The following PRPF8 variants were observed in gnomAD, a reference collection of about 807,000 sequenced individuals.
PRPF8 encodes pre-mRNA processing factor 8.
Under a neutral mutation model 285.9 loss-of-function variants are expected in PRPF8, and 64 were observed. The ratio of observed to expected loss-of-function variants is 0.22; its 90% CI spans 0.18 to 0.28. The LOEUF is 0.28. Among genes scored for constraint, PRPF8 ranks in the 10% least tolerant of loss-of-function variants. PRPF8 has a pLI of 1.00. For synonymous variants in PRPF8, 1,325 were observed against 1,118.2 expected (o/e 1.18, Z -3.69); for missense variants, 1,426 against 3,026.7 (o/e 0.47, Z 12.41).
In PRPF8 at chr17:1,661,983, C is replaced by T; in HGVS notation, c.3945G>A (p.Val1315=). ...CACCCAACTCCTTAGGGGTGTAGAA[C>T]ACAACCGGGGGGAACCGACTTGGCA... The part of the protein sequence containing the change: ...SKMPSRFPPV[V]FYTPKELGGL... The change falls in exon 25 of 43, where the codon GTG becomes GTA. Residue 1315 remains valine, a synonymous_variant. Coordinates refer to ENST00000304992, the MANE Select transcript of PRPF8 (RefSeq NM_006445.4). The surrounding 1 kb of genome is among the most constrained non-coding windows in gnomAD (Gnocchi z 7.3). 6.2e-7 allele frequency: 1 copy of T among 1,614,102 alleles called. No homozygotes were observed. The highest frequency in any genetic ancestry group is 8.5e-7 in the Non-Finnish European group (1 of 1,180,036).
chr17:1,662,277 ACT>A, intron 24 of PRPF8, 124 bp from the exon 25 acceptor site: 1 of 1,131,490 alleles, frequency 8.8e-7, no homozygotes, highest in Non-Finnish European at 1.3e-6. Flanking sequence ...ATCATTAGTC[ACT>A]AGGGAAATAG....
chr17:1,665,158 TCAA>T (rs1911892843), intron 24 of PRPF8, among the ~76,000 whole-genome samples: 1 of 44,468 alleles, frequency 2.2e-5, no homozygotes. Flanking sequence ...AGACTCTGCC[TCAA>T]AAAAAAAAAA....
In PRPF8 at chr17:1,659,277, C is replaced by A; in HGVS notation, c.5138+80G>T. On this transcript the variant is annotated intron_variant, in intron 32 of 42. Coordinates refer to ENST00000304992, the MANE Select transcript of PRPF8 (RefSeq NM_006445.4). The surrounding 1 kb of genome is among the most constrained non-coding windows in gnomAD (Gnocchi z 5.1). ...CTGAGCTCAGACAATCTGCCCACCG[C>A]GGCCTCCCAAAGTGCTGGGATTACA... 6.7e-7 allele frequency: 1 copy of A among 1,502,814 alleles called. No individual in the cohort carries two copies. Among genetic ancestry groups the A allele is most frequent in the South Asian group, 1.1e-5 (1 of 88,590 alleles). The allele number at this position is 1,502,814 out of a possible 1,614,324, so 93.1% of individuals were successfully genotyped here.
chr17:1,681,999 C>T lies in PRPF8; in HGVS notation c.474G>A (p.Arg158=). Residue 158 remains arginine (R), a synonymous_variant, in exon 5 of 43, where the codon AGG becomes AGA. Transcript: ENST00000304992. ...WIMMRREKRD[R]RHFKRMRFPP... ...GAAAACGCATCCTCTTGAAATGCCT[C>T]CTATCTCTTTTTTCTCGGCGCATCA... 1 of 1,614,004 alleles carries T rather than the reference C, an allele frequency of 6.2e-7. No individual in the cohort carries two copies. Among genetic ancestry groups the T allele is most frequent in the Non-Finnish European group, 8.5e-7 (1 of 1,179,996 alleles).
rs779639024 is a variant in PRPF8, at chr17:1,677,686, T to C, written c.1863A>G (p.Val621=). 3 of 1,613,864 alleles carry C rather than the reference T, an allele frequency of 1.9e-6. No homozygotes were observed. Among genetic ancestry groups the C allele is most frequent in the Non-Finnish European group, 2.5e-6 (3 of 1,180,004 alleles). Residue 621 remains valine, a synonymous_variant, in exon 14 of 43, where the codon GTA becomes GTG. Coordinates refer to ENST00000304992, the MANE Select transcript of PRPF8 (RefSeq NM_006445.4). ...LIYYRFNTGP[V]GKGPGCGFWA... ...AGAAGCCACAGCCAGGACCCTTCCC[T>C]ACAGGGCCCTACGATCCCAAGCAGA...
rs757747094 is a variant in PRPF8, at chr17:1,651,683, G to C, written c.6475C>G (p.Leu2159Val). The C allele has an allele frequency of 6.2e-7, 1 of 1,614,036 alleles. No individual in the cohort carries two copies. The highest frequency in any genetic ancestry group is 2.2e-5 in the East Asian group (1 of 44,892). ...PQWGTHQTVH[L>V]PGQLPQHEYL... ...TCATGCTGGGGCAGCTGGCCAGGCA[G>C]GTGCACGGTCTGGTGAGTGCCCCAC... The change falls in exon 40 of 43, where the codon CTG (leucine) becomes GTG (valine). Residue 2159 changes from leucine (L) to valine (V), a missense_variant. Around this residue, in one of 34 missense-constraint regions of PRPF8, gnomAD observed 160 missense variants for 373.7 expected, o/e 0.43. Coordinates refer to ENST00000304992, the MANE Select transcript of PRPF8 (RefSeq NM_006445.4). This position sits in a 1 kb window ranked among gnomAD's most constrained non-coding sequence, Gnocchi z 5.1.
Position 1,658,221 on chromosome 17 carries a change from T to C in PRPF8, c.5505+32A>G. The stretch of plus-strand genomic sequence containing the variant: ...CCCCAAGAATAAGAGGCAACATGGT[T>C]CTACAGCCTCTTCATCTTTAAACCT... On this transcript the variant is annotated intron_variant, in intron 34 of 42. Coordinates refer to ENST00000304992, the MANE Select transcript of PRPF8 (RefSeq NM_006445.4). The surrounding 1 kb of genome is among the most constrained non-coding windows in gnomAD (Gnocchi z 4.1). The C allele has an allele frequency of 6.2e-7, 1 of 1,613,786 alleles. No individual in the cohort carries two copies. Among genetic ancestry groups the C allele is most frequent in the Admixed American group, 1.7e-5 (1 of 60,006 alleles).
rs754554925 is a variant in PRPF8 at position 1,676,070 on chromosome 17, G to A, written c.2553-16C>T. On this transcript the variant is annotated splice_polypyrimidine_tract_variant and intron_variant, in intron 17 of 42. Coordinates refer to ENST00000304992, the MANE Select transcript of PRPF8 (RefSeq NM_006445.4). This position sits in a 1 kb window ranked among gnomAD's most constrained non-coding sequence, Gnocchi z 6.3. ...AGACTTCACACTGACAAAAGCAATGGGAAGGGTGAATGGGAAAACTAGGAG... is the reference window on the plus strand; with the variant it reads ...AGACTTCACACTGACAAAAGCAATGAGAAGGGTGAATGGGAAAACTAGGAG... The A allele has an allele frequency of 3.7e-6, 6 of 1,612,796 alleles. No individual in the cohort carries two copies. The highest frequency in any genetic ancestry group is 5.1e-6 in the Non-Finnish European group (6 of 1,180,014).
Position 1,678,800 on chromosome 17 carries a change from G to A in PRPF8, c.1681C>T (p.His561Tyr), listed in dbSNP as rs1912751958. ...LRLTKLVVDS[H>Y]VQYRLGNVDA... is the part of the protein sequence containing the mutation. ...ACATTGCCCAGCCGATACTGCACGT[G>A]ACTATCCACCACCAGCTTAGTCAAA... The change falls in exon 12 of 43, where the codon CAC becomes TAC. Residue 561 changes from histidine (H) to tyrosine (Y), a missense_variant. This residue lies in a region of PRPF8 where 69 missense variants were observed against 134.7 expected (regional missense o/e 0.51). Coordinates refer to ENST00000304992, the MANE Select transcript of PRPF8 (RefSeq NM_006445.4). 1.2e-6 allele frequency: 2 copies of A among 1,614,110 alleles called. No homozygotes were observed. Among genetic ancestry groups the A allele is most frequent in the African/African-American group, 2.7e-5 (2 of 75,048 alleles).
intron 39 of PRPF8, chr17:1,652,030 C>T (rs1267525726): frequency 6.6e-6 from 4 of 606,566 alleles, no homozygotes; most frequent in Non-Finnish European, 1.2e-5. Context: ...TGCTCACAAG[C>T]TCCCCAGCTG....
Position 1,673,342 on chromosome 17 carries a change from C to A in PRPF8, c.3657+15G>T, listed in dbSNP as rs768214965. On this transcript the variant is annotated intron_variant, in intron 23 of 42. Coordinates refer to ENST00000304992, the MANE Select transcript of PRPF8 (RefSeq NM_006445.4). This position sits in a 1 kb window ranked among gnomAD's most constrained non-coding sequence, Gnocchi z 5.5. ...AGGCGCGTTCATGTCACTCCCAGCC[C>A]CGCCCAGGCTGTACCTCATTCTGCA... is the stretch of plus-strand genomic sequence containing the variant. 2.5e-6 allele frequency: 4 copies of A among 1,613,782 alleles called. No homozygotes were observed. Among genetic ancestry groups the A allele is most frequent in the Non-Finnish European group, 3.4e-6 (4 of 1,179,916 alleles).
chr17:1,652,013 T>C (rs1197848745), intron 39 of PRPF8: 1 of 631,690 alleles, frequency 1.6e-6, no homozygotes, highest in Non-Finnish European at 2.8e-6. Context: ...GGTCCAGGAA[T>C]CTGCACTGCT....
rs986652992 is a variant in PRPF8 at position 1,678,307 on chromosome 17, TCA to T, written c.1854+209_1854+210del. On this transcript the variant is annotated intron_variant, in intron 13 of 42. Coordinates refer to ENST00000304992, the MANE Select transcript of PRPF8 (RefSeq NM_006445.4). The stretch of plus-strand genomic sequence containing the variant: ...TCCAGCTGGGGCAACAGAGAAAGAC[TCA>T]GTTTCAAAACAAAACAAAAAAAAAA... 11 of 581,582 alleles carry T rather than the reference TCA, an allele frequency of 1.9e-5. No homozygotes were observed. The African/African-American group carries it at 1.9e-4, about 10-fold the overall frequency. 36.0% of individuals were successfully genotyped at this position (581,582 alleles called of 1,614,324 possible). A position where few individuals can be genotyped will look rare whatever the true frequency, so the allele number is the denominator to read the frequency against.
rs746620166 is a variant in PRPF8 at position 1,673,492 on chromosome 17, G to A, written c.3522C>T (p.Phe1174=). The change falls in exon 23 of 43, where the codon TTC becomes TTT. Residue 1174 remains phenylalanine, a synonymous_variant. Coordinates refer to ENST00000304992, the MANE Select transcript of PRPF8 (RefSeq NM_006445.4). This position sits in a 1 kb window ranked among gnomAD's most constrained non-coding sequence, Gnocchi z 5.5. ...GGTTGTCCTTACTGTACACAGACAC[G>A]AAGCTGTTCTCCCACTGAACTGTAG... ...SVTTVQWENS[F]VSVYSKDNPN... 4.3e-6 allele frequency: 7 copies of A among 1,613,988 alleles called. 1 individual carries two copies. The highest frequency in any genetic ancestry group is 3.3e-5 in the Admixed American group (2 of 59,994).
intron 37 of PRPF8, 74 bp from the exon 38 acceptor site, chr17:1,654,090 A>T: frequency 6.2e-7 from 1 of 1,609,808 alleles, no homozygotes. Flanking sequence ...GAAAGGGTGT[A>T]ACTTGGTAGG....
At position 1,659,586 on chromosome 17, in the gene PRPF8, G is replaced by A; in HGVS notation, c.4947-38C>T. On this transcript the variant is annotated intron_variant, in intron 31 of 42. Coordinates refer to ENST00000304992, the MANE Select transcript of PRPF8 (RefSeq NM_006445.4). The surrounding 1 kb of genome is among the most constrained non-coding windows in gnomAD (Gnocchi z 5.1). Reference sequence around the variant, plus strand: ...AGGGTTCAAGCTTCTAAGAAACCATGGGCATAACCAATGTCCCCAGAACCA... The same window carrying A: ...AGGGTTCAAGCTTCTAAGAAACCATAGGCATAACCAATGTCCCCAGAACCA... 2 of 1,609,346 alleles carry A rather than the reference G, an allele frequency of 1.2e-6. No homozygotes were observed. The highest frequency in any genetic ancestry group is 1.7e-6 in the Non-Finnish European group (2 of 1,176,914).
chr17:1,684,386 C>T, intron 2 of PRPF8, 86 bp downstream of exon 2: 1 of 1,363,882 alleles, frequency 7.3e-7, no homozygotes, highest in Non-Finnish European at 1.0e-6. Flanking sequence ...CAGGAGCTGC[C>T]CAAACGGGGA....
rs758205306 is a variant in PRPF8 at position 1,651,383 on chromosome 17, C to T, written c.6650+31G>A. ...GCCCTGGCCTGCAATCCCTGCCCCA[C>T]CATACTTCCTCCCAAGGAGCCCAGG... On this transcript the variant is annotated intron_variant, in intron 41 of 42. Transcript: ENST00000304992. The surrounding 1 kb of genome is among the most constrained non-coding windows in gnomAD (Gnocchi z 5.1). 8 of 1,614,102 alleles carry T rather than the reference C, an allele frequency of 5.0e-6. No homozygotes were observed. Among genetic ancestry groups the T allele is most frequent in the Non-Finnish European group, 6.8e-6 (8 of 1,180,016 alleles).
chr17:1,684,223 T>A (rs1328385601), intron 2 of PRPF8, among the ~76,000 whole-genome samples: 1 of 152,138 alleles, frequency 6.6e-6, no homozygotes, highest in African/African-American at 2.4e-5. Context: ...GTTTTGTTAT[T>A]CTCTGTCTCT....
Sources: gnomAD v4.1 joint callset for allele counts (sites outside exome capture counted in the v4.1 genomes callset) on GRCh38, gnomAD v4.1.1 for gene constraint, gnomAD v4.1.1 regional missense constraint, Gnocchi (gnomAD v3.1) non-coding constraint, MANE v1.5 for transcripts, NCBI Gene and HGNC (gene_info 2026-07-23, HGNC 2026-07-21) for gene names.